The following PLOD2 variants were observed in gnomAD, a reference collection of about 807,000 sequenced individuals.
The protein encoded by PLOD2 is procollagen-lysine,2-oxoglutarate 5-dioxygenase 2.
PLOD2 carries 65 observed loss-of-function variants against 101.0 expected under a neutral mutation model. The ratio of observed to expected loss-of-function variants is 0.64; its 90% CI spans 0.53 to 0.79. PLOD2 has a LOEUF of 0.79. Among genes scored for constraint, PLOD2 ranks in the 30% least tolerant of loss-of-function variants. The pLI is 0.00. For missense variants in PLOD2, 909 were observed against 914.6 expected, an observed-to-expected ratio of 0.99 and a Z score of 0.08; for synonymous variants, 314 against 302.9, an observed-to-expected ratio of 1.04 and a Z score of -0.38.
chr3:146,121,487 A>G (rs1174251870), intron 2 of PLOD2, among the ~76,000 whole-genome samples: 1 of 152,156 alleles, frequency 6.6e-6, no homozygotes, highest in Non-Finnish European at 1.5e-5. Context: ...TTGTGAGTCT[A>G]ATCCAAGGAA....
At chr3:146,074,239 C>T (rs950440823) in intron 15 of PLOD2, among the ~76,000 whole-genome samples, 1 of 151,064 alleles carries the variant, frequency 6.6e-6, no homozygotes, top group Non-Finnish European at 1.5e-5. Flanking sequence ...TATAAATATC[C>T]AAAAAGATAT....
chr3:146,114,796 A>G (rs1937824503), intron 3 of PLOD2, among the ~76,000 whole-genome samples: 1 of 152,164 alleles, frequency 6.6e-6, no homozygotes, highest in Admixed American at 6.6e-5. Context: ...AAGAATCCAC[A>G]CAGGGTAGAG....
chr3:146,137,633 A>G (rs994796577), intron 1 of PLOD2, among the ~76,000 whole-genome samples: 2 of 152,186 alleles, frequency 1.3e-5, no homozygotes, highest in African/African-American at 4.8e-5. Context: ...TTCAAGCATT[A>G]GCATGGACTA....
Position 146,085,262 on chromosome 3 carries a change from C to G in PLOD2, c.1139G>C (p.Arg380Pro). ...GTAATAATCACACTTTTCATCCTGA[C>G]GGCAAAAGTCCCTAACAGTGAAAAA... is the stretch of plus-strand genomic sequence containing the variant. The part of the protein sequence containing the change: ...EARNMGMDFC[R>P]QDEKCDYYFS... The change falls in exon 11 of 20, where the codon CGT (arginine) becomes CCT (proline). Residue 380 changes from arginine (R) to proline (P), a missense_variant. Transcript: ENST00000282903. 6.3e-7 allele frequency: 1 copy of G among 1,579,202 alleles called. No homozygotes were observed. Among genetic ancestry groups the G allele is most frequent in the Non-Finnish European group, 8.7e-7 (1 of 1,148,842 alleles).
chr3:146,149,545 T>C (rs991234260), intron 1 of PLOD2, among the ~76,000 whole-genome samples: 1 of 152,192 alleles, frequency 6.6e-6, no homozygotes. Context: ...TTTTTTAGGA[T>C]ATTTACTTGC....
intron 1 of PLOD2, among the ~76,000 whole-genome samples, chr3:146,131,586 T>G (rs949811317): frequency 6.6e-6 from 1 of 152,242 alleles, no homozygotes; most frequent in East Asian, 1.9e-4. Flanking sequence ...ATGTGAATTA[T>G]GACCTCAGGG....
chr3:146,100,291 T>C (rs934793122), intron 7 of PLOD2, among the ~76,000 whole-genome samples: 2 of 152,192 alleles, frequency 1.3e-5, no homozygotes, highest in Non-Finnish European at 2.9e-5. Context: ...TCAATTAAGA[T>C]TTGTTGAAAG....
At chr3:146,127,020 C>A (rs2030607985) in intron 1 of PLOD2, among the ~76,000 whole-genome samples, 1 of 152,104 alleles carries the variant, frequency 6.6e-6, no homozygotes, top group Admixed American at 6.6e-5. Context: ...TCCATCTATT[C>A]ATTCACTTAT....
chr3:146,100,694 G>T (rs530561658), intron 7 of PLOD2, among the ~76,000 whole-genome samples: 1 of 152,308 alleles, frequency 6.6e-6, no homozygotes, highest in Non-Finnish European at 1.5e-5. Context: ...GAAAGGAGAA[G>T]AAATTGAATG....
intron 7 of PLOD2, among the ~76,000 whole-genome samples, chr3:146,102,118 T>A (rs1400300665): frequency 6.6e-6 from 1 of 152,228 alleles, no homozygotes; most frequent in African/African-American, 2.4e-5. Flanking sequence ...CATTTCAGCA[T>A]GTCAGAAGGT....
intron 6 of PLOD2, among the ~76,000 whole-genome samples, chr3:146,103,600 G>T (rs1259472315): frequency 6.6e-6 from 1 of 151,654 alleles, no homozygotes; most frequent in Non-Finnish European, 1.5e-5. Flanking sequence ...CTATAGGCAC[G>T]CACCACCATG....
At chr3:146,108,207 C>G (rs1048526531) in intron 4 of PLOD2, among the ~76,000 whole-genome samples, 1 of 151,414 alleles carries the variant, frequency 6.6e-6, no homozygotes. Context: ...GGAGATGGGG[C>G]TCTCACTCTG....
chr3:146,148,204 GGT>G (rs2031875388), intron 1 of PLOD2, among the ~76,000 whole-genome samples: 1 of 151,920 alleles, frequency 6.6e-6, no homozygotes, highest in African/African-American at 2.4e-5. Context: ...AATTTGGATA[GGT>G]ATTAAATAAC....
At chr3:146,077,391 A>G (rs1238793419) in intron 14 of PLOD2, 1 of 164,130 alleles carries the variant, frequency 6.1e-6, no homozygotes, top group East Asian at 1.8e-4. Flanking sequence ...AAAGGCAGAT[A>G]AAGAAAACCA....
chr3:146,103,565 T>A (rs1937465017), intron 6 of PLOD2, among the ~76,000 whole-genome samples: 3 of 151,514 alleles, frequency 2.0e-5, no homozygotes, highest in Non-Finnish European at 4.4e-5. Context: ...GATCAATCAA[T>A]CCTCAGCCTC....
intron 7 of PLOD2, 87 bp downstream of exon 7, chr3:146,102,668 T>C: frequency 1.4e-6 from 1 of 730,018 alleles, no homozygotes; most frequent in Non-Finnish European, 2.4e-6. Flanking sequence ...TTGAAAGAAA[T>C]TTTTAAAAAT....
intron 3 of PLOD2, among the ~76,000 whole-genome samples, chr3:146,117,640 C>T (rs1937972426): frequency 6.6e-6 from 1 of 152,102 alleles, no homozygotes; most frequent in Non-Finnish European, 1.5e-5. Context: ...TAGACAACAA[C>T]TTGGCTGAGT....
chr3:146,110,421 T>C lies in PLOD2; in HGVS notation c.366A>G (p.Pro122=). 1 of 1,613,412 alleles carries C rather than the reference T, an allele frequency of 6.2e-7. No homozygotes were observed. The highest frequency in any genetic ancestry group is 2.2e-5 in the East Asian group (1 of 44,822). ...ECFDVIFAGG[P]EEVLKKFQKA... ...TTTGGAATTTTTTTAGAACTTCTTC[T>C]GGACCACCAGCAAATATGACATCAA... Residue 122 remains proline (P), a synonymous_variant, in exon 4 of 20, where the codon CCA becomes CCG. Transcript: ENST00000282903.
At chr3:146,100,027 A>G (rs1937331637) in intron 7 of PLOD2, among the ~76,000 whole-genome samples, 2 of 151,904 alleles carry the variant, frequency 1.3e-5, no homozygotes, top group African/African-American at 4.8e-5. Flanking sequence ...GATTAAAGGC[A>G]TGTGCCACCA....
Sources: gnomAD v4.1 joint callset for allele counts (sites outside exome capture counted in the v4.1 genomes callset) on GRCh38, gnomAD v4.1.1 for gene constraint, MANE v1.5 for transcripts, NCBI Gene and HGNC (gene_info 2026-07-23, HGNC 2026-07-21) for gene names.